The following ACTR3B variants were observed in gnomAD, a reference collection of about 807,000 sequenced individuals.
ACTR3B encodes actin related protein 3B, also known as actin-related protein 3B.
Under a neutral mutation model 59.0 loss-of-function variants are expected in ACTR3B, and 8 were observed. The ratio of observed to expected loss-of-function variants is 0.14; its 90% confidence interval spans 0.08 to 0.24. The LOEUF (loss-of-function observed/expected upper bound fraction) is 0.24. Among genes scored for constraint, ACTR3B ranks in the 10% least tolerant of loss-of-function variants. The pLI is 1.00. For synonymous variants in ACTR3B, 148 were observed against 197.9 expected (o/e 0.75, Z 2.12); for missense variants, 245 against 552.3 (o/e 0.44, Z 5.58).
chr7:152,834,979 C>T (rs1030369281), intron 9 of ACTR3B, among the ~76,000 whole-genome samples: 7 of 151,842 alleles, frequency 4.6e-5, no homozygotes, highest in South Asian at 2.1e-4. Flanking sequence ...ACCGCCAGAA[C>T]GTCATCCAGG....
intron 9 of ACTR3B, among the ~76,000 whole-genome samples, chr7:152,829,137 A>G (rs1243562659): frequency 6.6e-6 from 1 of 152,078 alleles, no homozygotes; most frequent in African/African-American, 2.4e-5. Context: ...ACAGGTATGT[A>G]CATCGTGGAA....
chr7:152,796,712 TTTTG>T (rs1483726820), intron 2 of ACTR3B, among the ~76,000 whole-genome samples: 4 of 110,540 alleles, frequency 3.6e-5, no homozygotes, highest in African/African-American at 5.3e-5. Context: ...AGAAACTGTT[TTTTG>T]TTTGTTTGTT....
intron 10 of ACTR3B, 55 bp from the exon 11 acceptor site, chr7:152,853,439 T>C: frequency 6.5e-7 from 1 of 1,539,580 alleles, no homozygotes; most frequent in South Asian, 1.1e-5. Flanking sequence ...CGGGGGATGA[T>C]TAGATCACAT....
At chr7:152,830,864 A>G (rs1053635152) in intron 9 of ACTR3B, among the ~76,000 whole-genome samples, 2 of 152,210 alleles carry the variant, frequency 1.3e-5, no homozygotes, top group African/African-American at 2.4e-5. Context: ...TTAATTTTTA[A>G]TGTTTAAGAG....
intron 4 of ACTR3B, among the ~76,000 whole-genome samples, chr7:152,809,552 T>C (rs529709100): frequency 1.1e-4 from 16 of 152,100 alleles, no homozygotes; most frequent in Admixed American, 9.2e-4. Context: ...TTTTTTTTGT[T>C]TTTTTTTGAG....
chr7:152,792,394 C>A lies in ACTR3B; in HGVS notation c.101-8137C>A, dbSNP rs1314700971. Among the ~76,000 whole-genome samples the A allele has an allele frequency of 2.0e-5, 3 of 151,908 alleles. No individual in the cohort carries two copies. In the East Asian group the frequency reaches 5.8e-4, roughly 29 times the overall value. On this transcript the variant is annotated intron_variant, in intron 2 of 11. Transcript: ENST00000256001. Reference sequence around the variant, plus strand: ...ACTCAAATTCCTTCTTTTATCATTTCTTTTCTCTTTAGAGAACTTCCTTTA... The same window carrying A: ...ACTCAAATTCCTTCTTTTATCATTTATTTTCTCTTTAGAGAACTTCCTTTA...
intron 7 of ACTR3B, among the ~76,000 whole-genome samples, chr7:152,822,007 G>A (rs1796208285): frequency 6.6e-6 from 1 of 152,216 alleles, no homozygotes; most frequent in Non-Finnish European, 1.5e-5. Flanking sequence ...AGTTAAGTAA[G>A]CTGAGATGCT....
chr7:152,801,406 CTTTG>C (rs1369135821), intron 3 of ACTR3B, among the ~76,000 whole-genome samples: 14 of 152,260 alleles, frequency 9.2e-5, no homozygotes, highest in South Asian at 2.1e-4. Context: ...TAAGGTGATT[CTTTG>C]TTTGTGGAAA....
intron 9 of ACTR3B, among the ~76,000 whole-genome samples, chr7:152,848,865 C>G (rs958300538): frequency 2.6e-5 from 4 of 152,168 alleles, no homozygotes; most frequent in African/African-American, 9.7e-5. Context: ...TTGATGGTCC[C>G]TAGACTCTGA....
At chr7:152,832,234 A>T (rs1437881966) in intron 9 of ACTR3B, among the ~76,000 whole-genome samples, 1 of 152,058 alleles carries the variant, frequency 6.6e-6, no homozygotes, top group East Asian at 1.9e-4. Flanking sequence ...CTGACAGGAG[A>T]TACAGGAGCG....
chr7:152,765,360 G>A (rs556909902), intron 1 of ACTR3B, among the ~76,000 whole-genome samples: 120 of 150,518 alleles, frequency 8.0e-4, no homozygotes, highest in African/African-American at 2.9e-3. Flanking sequence ...CAGGTGATCT[G>A]CCTGCCTGGG....
At chr7:152,778,449 G>T (rs2098141721) in intron 1 of ACTR3B, among the ~76,000 whole-genome samples, 1 of 151,542 alleles carries the variant, frequency 6.6e-6, no homozygotes, top group Admixed American at 6.6e-5. Flanking sequence ...TTTTGCCCAG[G>T]GTGGTCTTGA....
chr7:152,800,355 G>A (rs1229370201), intron 2 of ACTR3B, among the ~76,000 whole-genome samples, 176 bp from the exon 3 acceptor site: 1 of 152,266 alleles, frequency 6.6e-6, no homozygotes, highest in Non-Finnish European at 1.5e-5. Context: ...AGAATAGCCT[G>A]CTTCTGTATT....
intron 1 of ACTR3B, among the ~76,000 whole-genome samples, chr7:152,762,340 G>A (rs1248681798): frequency 2.6e-5 from 4 of 152,138 alleles, no homozygotes; most frequent in Non-Finnish European, 5.9e-5. Flanking sequence ...TTCAAATGAA[G>A]TCTTTTGCAT....
chr7:152,766,017 A>G (rs921367728), intron 1 of ACTR3B, among the ~76,000 whole-genome samples: 8 of 151,928 alleles, frequency 5.3e-5, no homozygotes, highest in Non-Finnish European at 1.0e-4. Flanking sequence ...TCATTTCTCT[A>G]ACTTTTCTCT....
At chr7:152,763,609 G>C (rs2098097898) in intron 1 of ACTR3B, among the ~76,000 whole-genome samples, 2 of 151,942 alleles carry the variant, frequency 1.3e-5, no homozygotes, top group Admixed American at 1.3e-4. Context: ...ATTTTTGGTA[G>C]AGACGGGATT....
rs144593206 is a variant in ACTR3B at position 152,852,741 on chromosome 7, G to A, written c.1077+490G>A. ...GTGGGCTTCGATAGGGGCAGTGGGCGCAAGGAAGAGATCCCACGAGTCCAC... is the reference window on the plus strand; with the variant it reads ...GTGGGCTTCGATAGGGGCAGTGGGCACAAGGAAGAGATCCCACGAGTCCAC... On this transcript the variant is annotated intron_variant, in intron 10 of 11. Transcript: ENST00000256001. Among the ~76,000 whole-genome samples, 82 of 152,272 alleles carry A rather than the reference G, an allele frequency of 5.4e-4. No homozygotes were observed. In the East Asian group the frequency reaches 0.014, roughly 27 times the overall value.
At chr7:152,800,281 T>C (rs1361228799) in intron 2 of ACTR3B, among the ~76,000 whole-genome samples, 1 of 152,284 alleles carries the variant, frequency 6.6e-6, no homozygotes, top group Admixed American at 6.5e-5. Context: ...GCAATGGACC[T>C]TCTGTCAGTA....
At chr7:152,819,279 G>A (rs34089018) in intron 6 of ACTR3B, among the ~76,000 whole-genome samples, 90,057 of 151,858 alleles carry the variant, frequency 0.59, 28,057 homozygotes, top group East Asian at 0.75. Flanking sequence ...TGGTGACTAG[G>A]TGCAGCTATT....
Sources: gnomAD v4.1 joint callset for allele counts (sites outside exome capture counted in the v4.1 genomes callset) on GRCh38, gnomAD v4.1.1 for gene constraint, MANE v1.5 for transcripts, NCBI Gene and HGNC (gene_info 2026-07-23, HGNC 2026-07-21) for gene names.